The following KIAA0319 variants were observed in gnomAD, a reference collection of about 807,000 sequenced individuals.
KIAA0319 encodes dyslexia-associated protein KIAA0319.
KIAA0319 carries 83 observed loss-of-function variants against 108.4 expected under a neutral mutation model. The ratio of observed to expected loss-of-function variants is 0.77; its 90% CI spans 0.64 to 0.92. The LOEUF is 0.92. Among genes scored for constraint, KIAA0319 ranks in the 40% least tolerant of loss-of-function variants. The pLI, the probability that KIAA0319 is intolerant of heterozygous loss-of-function variation, is 0.00. For missense variants in KIAA0319, 1,195 were observed against 1,322.4 expected, an observed-to-expected ratio of 0.90 and a Z score of 1.49; for synonymous variants, 484 against 510.4, an observed-to-expected ratio of 0.95 and a Z score of 0.70.
chr6:24,629,528 A>AAAAG (rs1775228745), intron 1 of KIAA0319, among the ~76,000 whole-genome samples: 1 of 148,606 alleles, frequency 6.7e-6, no homozygotes, highest in Non-Finnish European at 1.5e-5. Flanking sequence ...AAAAAAAAAA[A>AAAAG]AAAGAAAGAA....
At position 24,599,031 on chromosome 6, in the gene KIAA0319, C is replaced by A; in HGVS notation, c.55+2018G>T. 1 of 728,892 alleles carries A rather than the reference C, an allele frequency of 1.4e-6. No homozygotes were observed. Among genetic ancestry groups the A allele is most frequent in the Non-Finnish European group, 2.5e-6 (1 of 404,796 alleles). The allele number at this position is 728,892 out of a possible 1,614,324, so 45.2% of individuals were successfully genotyped here. ...TAACGAGATCAACTTCCTCAGGCAG[C>A]TGTATGAAGAGGAGATCCAGGAGCT... On this transcript the variant is annotated intron_variant, in intron 2 of 20. Transcript: ENST00000378214. The surrounding 1 kb of genome is among the most constrained non-coding windows in gnomAD (Gnocchi z 4.1).
intron 1 of KIAA0319, among the ~76,000 whole-genome samples, chr6:24,644,984 G>A (rs1172884318): frequency 6.6e-6 from 1 of 152,176 alleles, no homozygotes; most frequent in Non-Finnish European, 1.5e-5. Flanking sequence ...CATAACTTTA[G>A]TAGTCTCTAC....
At chr6:24,565,825 G>A (rs114881218) in intron 14 of KIAA0319, among the ~76,000 whole-genome samples, 1,754 of 150,950 alleles carry the variant, frequency 0.012, 12 homozygotes, top group Non-Finnish European at 0.019. Flanking sequence ...TCTCATCTCT[G>A]CATTTCGCCT....
rs41271797 is a variant in KIAA0319 at position 24,569,923 on chromosome 6, G to T, written c.1971C>A (p.Phe657Leu). The stretch of plus-strand genomic sequence containing the variant: ...ACTACCTGACGTGCTCCCAGTGGTA[G>T]AAGACAATGCCGTGGTCATCGCTGC... Reference protein sequence around the residue: ...SSSSDDHGIVFYHWEHVRGPS... With the variant: ...SSSSDDHGIVLYHWEHVRGPS... The change falls in exon 12 of 21, where the codon TTC becomes TTA. Residue 657 changes from phenylalanine (F) to leucine (L), a missense_variant. Coordinates refer to ENST00000378214, the MANE Select transcript of KIAA0319 (RefSeq NM_014809.4). 1 of 1,614,154 alleles carries T rather than the reference G, an allele frequency of 6.2e-7. No homozygotes were observed. The highest frequency in any genetic ancestry group is 1.3e-5 in the African/African-American group (1 of 75,060).
At chr6:24,564,563 G>A (rs1763636913) in intron 14 of KIAA0319, among the ~76,000 whole-genome samples, 1 of 152,150 alleles carries the variant, frequency 6.6e-6, no homozygotes, top group South Asian at 2.1e-4. Context: ...AGTATTTCCT[G>A]AACTGAACTA....
chr6:24,579,131 A>T (rs986136631), intron 8 of KIAA0319, among the ~76,000 whole-genome samples: 2 of 152,130 alleles, frequency 1.3e-5, no homozygotes, highest in Non-Finnish European at 2.9e-5. Context: ...TTTGTGATTA[A>T]ATGTACATAA....
chr6:24,580,748 C>G (rs1027881790), intron 7 of KIAA0319, among the ~76,000 whole-genome samples, 178 bp downstream of exon 7: 1 of 150,830 alleles, frequency 6.6e-6, no homozygotes, highest in Non-Finnish European at 1.5e-5. Context: ...AAGTGTTATG[C>G]GAAAGGTAGA....
rs149489221 is a variant in KIAA0319, at chr6:24,608,250, A to G, written c.-105-7042T>C. 1.8e-4 allele frequency among the ~76,000 whole-genome samples: 28 copies of G among 152,174 alleles called. No homozygotes were observed. In the East Asian group the frequency reaches 5.2e-3, roughly 28 times the overall value. ...TAAATAAAATGCTACTGAGGAACAC[A>G]AAAAAACCTTAAATAGATGGAGAAA... On this transcript the variant is annotated intron_variant, in intron 1 of 20. Transcript: ENST00000378214.
Position 24,599,814 on chromosome 6 carries a change from C to A in KIAA0319, c.55+1235G>T. 2.2e-6 allele frequency: 1 copy of A among 462,822 alleles called. No individual in the cohort carries two copies. Among genetic ancestry groups the A allele is most frequent in the Non-Finnish European group, 4.1e-6 (1 of 243,340 alleles). 28.7% of individuals were successfully genotyped at this position (462,822 alleles called of 1,614,324 possible). On this transcript the variant is annotated intron_variant, in intron 2 of 20. Coordinates refer to ENST00000378214, the MANE Select transcript of KIAA0319 (RefSeq NM_014809.4). The surrounding 1 kb of genome is among the most constrained non-coding windows in gnomAD (Gnocchi z 4.1). ...AATGGCCACAGCAGCCCCTCCCAGCCTACCCCCTCCTGTGACTGCCCCAGA... is the reference window on the plus strand; with the variant it reads ...AATGGCCACAGCAGCCCCTCCCAGCATACCCCCTCCTGTGACTGCCCCAGA...
intron 1 of KIAA0319, among the ~76,000 whole-genome samples, chr6:24,614,322 C>A (rs574158766): frequency 3.0e-4 from 46 of 152,278 alleles, no homozygotes; most frequent in African/African-American, 1.1e-3. Flanking sequence ...AGTGCTCTCT[C>A]CCATACCCTG....
At chr6:24,610,326 G>A (rs1222826411) in intron 1 of KIAA0319, among the ~76,000 whole-genome samples, 3 of 152,170 alleles carry the variant, frequency 2.0e-5, no homozygotes, top group Non-Finnish European at 4.4e-5. Context: ...ATAAGCTCAT[G>A]AAAATATGCT....
chr6:24,583,571 C>T, intron 5 of KIAA0319, 33 bp downstream of exon 5: 1 of 1,445,134 alleles, frequency 6.9e-7, no homozygotes, highest in Non-Finnish European at 9.7e-7. Context: ...CACCCCAGTT[C>T]CTAGTGGTCA....
chr6:24,541,920 A>G (rs1760206218), downstream of KIAA0319, among the ~76,000 whole-genome samples: 1 of 152,208 alleles, frequency 6.6e-6, no homozygotes. Context: ...CGGGCGGGTC[A>G]TTTGAGGCCA....
chr6:24,556,641 T>A lies in KIAA0319; in HGVS notation c.2823A>T (p.Ile941=), dbSNP rs778391373. The change falls in exon 18 of 21, where the codon ATA becomes ATT. Residue 941 remains isoleucine, a synonymous_variant. Transcript: ENST00000378214. ...TCTCTCCATCCCAGATATAACGCTG[T>A]ATAAGGTTCTCCATCCATAAGTGAG... ...ICSHLWMENL[I]QRYIWDGESN... is the part of the protein sequence containing the mutation. 3 of 1,614,036 alleles carry A rather than the reference T, an allele frequency of 1.9e-6. No homozygotes were observed. The South Asian group carries it at 3.3e-5, about 18-fold the overall frequency.
At chr6:24,566,988 A>G (rs1763984834) in intron 13 of KIAA0319, among the ~76,000 whole-genome samples, 1 of 152,192 alleles carries the variant, frequency 6.6e-6, no homozygotes, top group Non-Finnish European at 1.5e-5. Flanking sequence ...GGCAAGCTGT[A>G]CCTTGGGAAT....
Position 24,578,131 on chromosome 6 carries a change from TCAAGGTTAGA to T in KIAA0319, c.1474_1483del (p.Ser492IlefsTer9), listed in dbSNP as rs757894325. ...TTGCCTGAAACTATAGTTACCAGGA[TCAAGGTTAGA>T]CAAGCGTAAGACGGGAGAGTCAACT... On this transcript the variant is annotated frameshift_variant, in exon 9 of 21. Coordinates refer to ENST00000378214, the MANE Select transcript of KIAA0319 (RefSeq NM_014809.4). LOFTEE classifies it high-confidence loss of function. 6.2e-7 allele frequency: 1 copy of T among 1,612,106 alleles called. No individual in the cohort carries two copies.
intron 1 of KIAA0319, among the ~76,000 whole-genome samples, chr6:24,609,831 T>TG (rs1772040321): frequency 6.6e-6 from 1 of 152,020 alleles, no homozygotes; most frequent in Non-Finnish European, 1.5e-5. Flanking sequence ...GACAATTCAA[T>TG]GGGGAAAGAA....
chr6:24,625,964 G>A (rs540149555), intron 1 of KIAA0319, among the ~76,000 whole-genome samples: 16 of 152,246 alleles, frequency 1.1e-4, no homozygotes, highest in Non-Finnish European at 1.6e-4. Context: ...GGCTTAAAAT[G>A]GATAAACATA....
At chr6:24,600,649 G>T in intron 2 of KIAA0319, 1 of 1,534,560 alleles carries the variant, frequency 6.5e-7, no homozygotes, top group Non-Finnish European at 8.7e-7. Flanking sequence ...CTAGTCATGG[G>T]TCTTCTTAAA....
Sources: allele counts gnomAD v4.1 joint callset (sites outside exome capture counted in the v4.1 genomes callset), GRCh38; gene constraint gnomAD v4.1.1; non-coding constraint Gnocchi (gnomAD v3.1); transcripts MANE v1.5; gene names NCBI Gene and HGNC (gene_info 2026-07-23, HGNC 2026-07-21).